SCAI: variants seen among roughly 807,000 people sequenced by gnomAD.
SCAI encodes the protein suppressor of cancer cell invasion, also known as protein SCAI.
SCAI carries 24 observed loss-of-function variants against 92.2 expected under a neutral mutation model. The observed-to-expected ratio is 0.26, with a 90% CI of 0.19 to 0.37. SCAI has a LOEUF of 0.37. Ranked by LOEUF, SCAI falls within the 10% of genes least tolerant of loss-of-function variation. The pLI, the probability that SCAI is intolerant of heterozygous loss-of-function variation, is 1.00. For synonymous variants in SCAI, 261 were observed against 258.6 expected, an observed-to-expected ratio of 1.01 and a Z score of -0.09; for missense variants, 450 against 736.2, an observed-to-expected ratio of 0.61 and a Z score of 4.50.
chr9:124,991,056 T>C (rs945474496), intron 14 of SCAI, among the ~76,000 whole-genome samples: 2 of 152,150 alleles, frequency 1.3e-5, no homozygotes, highest in Non-Finnish European at 2.9e-5. Context: ...AGTTACTTCA[T>C]AAACATTAAC....
At chr9:124,960,953 C>T (rs1481690839) in intron 17 of SCAI, among the ~76,000 whole-genome samples, 1 of 151,822 alleles carries the variant, frequency 6.6e-6, no homozygotes, top group Non-Finnish European at 1.5e-5. Flanking sequence ...CCCATCTCTA[C>T]AAAAAAATTT....
At chr9:125,021,770 A>G (rs114392550) in intron 6 of SCAI, among the ~76,000 whole-genome samples, 3 of 152,122 alleles carry the variant, frequency 2.0e-5, no homozygotes, top group African/African-American at 7.2e-5. Context: ...TGACAAACTT[A>G]TTGACTTTTT....
chr9:125,013,014 A>G lies in SCAI; in HGVS notation c.861+5785T>C, dbSNP rs369437931. ...AAGACACAACATACCAGAATCTCTG[A>G]GACACATTCAAAGCAGTGTGTAGAG... On this transcript the variant is annotated intron_variant, in intron 9 of 17. Transcript: ENST00000336505. 3.1e-3 allele frequency among the ~76,000 whole-genome samples: 472 copies of G among 151,370 alleles called. 2 individuals are homozygous for G. The highest frequency in any genetic ancestry group is 0.011 in the African/African-American group (441 of 41,094).
At chr9:124,994,882 C>A (rs775682790) in intron 14 of SCAI, 52 bp downstream of exon 14, 86 of 1,234,038 alleles carry the variant, frequency 7.0e-5, no homozygotes, top group Admixed American at 1.4e-4. Context: ...AGTGGGTACC[C>A]TTGGGTTGGT....
chr9:124,955,679 G>A (rs1046427436), intron 17 of SCAI, among the ~76,000 whole-genome samples: 9 of 150,684 alleles, frequency 6.0e-5, no homozygotes, highest in East Asian at 1.9e-4. Context: ...AGAAACAAAC[G>A]GTAGTGAAAA....
intron 3 of SCAI, among the ~76,000 whole-genome samples, chr9:125,033,287 A>T (rs1363711053): frequency 6.6e-6 from 1 of 152,202 alleles, no homozygotes; most frequent in Non-Finnish European, 1.5e-5. Context: ...ACAAAGAGAA[A>T]GATTTGGATA....
chr9:124,988,319 A>T (rs1019677882), intron 14 of SCAI, among the ~76,000 whole-genome samples: 1 of 152,036 alleles, frequency 6.6e-6, no homozygotes, highest in African/African-American at 2.4e-5. Context: ...CTTAAGTATG[A>T]GCAAACAAGC....
chr9:125,113,011 A>T (rs553542861), intron 2 of SCAI, among the ~76,000 whole-genome samples: 1 of 152,372 alleles, frequency 6.6e-6, no homozygotes, highest in South Asian at 2.1e-4. Flanking sequence ...ATATGACTGA[A>T]TACACAGACA....
intron 2 of SCAI, among the ~76,000 whole-genome samples, chr9:125,082,087 G>T (rs1346860538): frequency 6.6e-6 from 1 of 152,152 alleles, no homozygotes; most frequent in Non-Finnish European, 1.5e-5. Flanking sequence ...CCCATCACAG[G>T]CCTGGAGGTC....
At chr9:124,960,750 A>G (rs1337120477) in intron 17 of SCAI, among the ~76,000 whole-genome samples, 1 of 152,246 alleles carries the variant, frequency 6.6e-6, no homozygotes, top group African/African-American at 2.4e-5. Flanking sequence ...TAGGTTACAC[A>G]GATGTATTTC....
At chr9:125,053,324 C>T (rs1275334172) in intron 3 of SCAI, among the ~76,000 whole-genome samples, 1 of 152,010 alleles carries the variant, frequency 6.6e-6, no homozygotes, top group Non-Finnish European at 1.5e-5. Flanking sequence ...ACAAGAGCAA[C>T]ACTCTGTCTC....
chr9:125,096,390 G>A lies in SCAI; in HGVS notation c.99-40383C>T, dbSNP rs550244342. 3.3e-5 allele frequency among the ~76,000 whole-genome samples: 5 copies of A among 152,290 alleles called. No individual in the cohort carries two copies. The South Asian group carries it at 1.0e-3, about 32-fold the overall frequency. On this transcript the variant is annotated intron_variant, in intron 2 of 17. Coordinates refer to ENST00000336505, the MANE Select transcript of SCAI (RefSeq NM_001144877.3). ...CACAAAGGAATTCAAGATGAGATTTGGGTGGGGACACAGGCAAACCATATC... is the reference window on the plus strand; with the variant it reads ...CACAAAGGAATTCAAGATGAGATTTAGGTGGGGACACAGGCAAACCATATC...
chr9:125,066,059 C>T (rs1833863024), intron 2 of SCAI: 1 of 761,788 alleles, frequency 1.3e-6, no homozygotes, highest in Non-Finnish European at 2.4e-6. Context: ...ACCTCTGATA[C>T]TGTATTGAAT....
chr9:125,024,422 C>T (rs571672488), intron 6 of SCAI, among the ~76,000 whole-genome samples: 5 of 152,118 alleles, frequency 3.3e-5, no homozygotes, highest in Admixed American at 1.3e-4. Flanking sequence ...ACTACAGGCG[C>T]GTGCCACCAC....
chr9:125,053,261 G>A (rs898481036), intron 3 of SCAI, among the ~76,000 whole-genome samples: 6 of 152,112 alleles, frequency 3.9e-5, no homozygotes, highest in African/African-American at 1.4e-4. Context: ...TTGAACCCAG[G>A]AGGCGGAGGT....
chr9:125,013,098 C>T (rs1351031890), intron 9 of SCAI, among the ~76,000 whole-genome samples: 1 of 151,760 alleles, frequency 6.6e-6, no homozygotes, highest in Non-Finnish European at 1.5e-5. Context: ...AAATTGACAC[C>T]CTAACATCAC....
chr9:125,117,671 A>AG (rs1267860749), intron 2 of SCAI, among the ~76,000 whole-genome samples: 3 of 150,948 alleles, frequency 2.0e-5, no homozygotes, highest in Non-Finnish European at 4.4e-5. Context: ...ATCTCAAAAA[A>AG]AAAAAAAAAA....
intron 17 of SCAI, among the ~76,000 whole-genome samples, chr9:124,968,116 A>G (rs1470908378): frequency 1.3e-5 from 2 of 152,196 alleles, no homozygotes; most frequent in Non-Finnish European, 2.9e-5. Flanking sequence ...CTTCTGTAGA[A>G]ATTAAAAATC....
intron 2 of SCAI, among the ~76,000 whole-genome samples, chr9:125,094,614 G>A (rs574831806): frequency 3.3e-5 from 5 of 152,182 alleles, no homozygotes; most frequent in African/African-American, 9.6e-5. Flanking sequence ...TGACCCTTCC[G>A]CCTCAGCTCC....
Sources: gnomAD v4.1 joint callset for allele counts (sites outside exome capture counted in the v4.1 genomes callset) on GRCh38, gnomAD v4.1.1 for gene constraint, MANE v1.5 for transcripts, NCBI Gene and HGNC (gene_info 2026-07-23, HGNC 2026-07-21) for gene names.